The following RIT2 variants were observed in gnomAD, a reference collection of about 807,000 sequenced individuals.
RIT2 encodes the protein GTP-binding protein Rit2.
Under a neutral mutation model 23.7 loss-of-function variants are expected in RIT2, and 24 were observed. That is an observed-to-expected ratio of 1.01 (90% CI 0.73 to 1.43). The LOEUF (loss-of-function observed/expected upper bound fraction) is 1.43, where lower values mean the gene tolerates loss of function less well. Among genes scored for constraint, RIT2 ranks in the 40% most tolerant of loss-of-function variants. The probability of loss-of-function intolerance (pLI) is 0.00; values close to 1 mark genes in which losing one functional copy is unlikely to be tolerated. For missense variants in RIT2, 236 were observed against 266.9 expected, an observed-to-expected ratio of 0.88 and a Z score of 0.81; for synonymous variants, 107 against 91.1, an observed-to-expected ratio of 1.17 and a Z score of -0.99.
chr18:42,884,966 C>T (rs150330116), intron 4 of RIT2, among the ~76,000 whole-genome samples: 80 of 152,304 alleles, frequency 5.3e-4, no homozygotes, highest in African/African-American at 1.7e-3. Context: ...GTTTCTACTA[C>T]AGCTTCCCAC....
chr18:42,824,927 T>C (rs925305139), intron 4 of RIT2, among the ~76,000 whole-genome samples: 25 of 152,080 alleles, frequency 1.6e-4, no homozygotes, highest in African/African-American at 5.5e-4. Context: ...AGAGCCATAT[T>C]CATGAAGCTG....
chr18:42,924,066 CTTTAAA>C (rs1243777628), intron 3 of RIT2, among the ~76,000 whole-genome samples: 1 of 151,728 alleles, frequency 6.6e-6, no homozygotes, highest in Non-Finnish European at 1.5e-5. Context: ...GCTAGATATT[CTTTAAA>C]TTACATATTT....
intron 4 of RIT2, among the ~76,000 whole-genome samples, chr18:42,789,348 G>T (rs755144303): frequency 6.6e-6 from 1 of 152,178 alleles, no homozygotes; most frequent in Non-Finnish European, 1.5e-5. Flanking sequence ...TTATATCTAT[G>T]TTGGATCACC....
intron 2 of RIT2, among the ~76,000 whole-genome samples, chr18:42,988,405 A>C (rs1446307642): frequency 1.3e-5 from 2 of 152,198 alleles, no homozygotes; most frequent in African/African-American, 4.8e-5. Context: ...TGTATTTCAG[A>C]TAATGACAAT....
chr18:42,991,640 A>G (rs766979394), intron 2 of RIT2, among the ~76,000 whole-genome samples: 34 of 143,998 alleles, frequency 2.4e-4, no homozygotes, highest in Non-Finnish European at 7.8e-5. Flanking sequence ...AACTGATGAC[A>G]TTCCACCACG....
intron 4 of RIT2, among the ~76,000 whole-genome samples, chr18:42,776,674 A>C (rs1913679405): frequency 6.6e-6 from 1 of 151,982 alleles, no homozygotes; most frequent in Admixed American, 6.5e-5. Flanking sequence ...ACTGAGGCTC[A>C]GAGAGATTTA....
chr18:43,011,700 T>G (rs1291327814), intron 2 of RIT2, among the ~76,000 whole-genome samples: 1 of 151,818 alleles, frequency 6.6e-6, no homozygotes, highest in Non-Finnish European at 1.5e-5. Flanking sequence ...TTCACTTCCC[T>G]CTGTCATAAA....
At chr18:42,795,521 C>T (rs1647569828) in intron 4 of RIT2, among the ~76,000 whole-genome samples, 1 of 152,248 alleles carries the variant, frequency 6.6e-6, no homozygotes, top group Admixed American at 6.5e-5. Context: ...CCCACCCCCT[C>T]CATGGGCTCC....
intron 4 of RIT2, among the ~76,000 whole-genome samples, chr18:42,909,613 A>T (rs1460036707): frequency 2.0e-5 from 3 of 152,150 alleles, no homozygotes; most frequent in African/African-American, 7.2e-5. Context: ...ATCACCGCTA[A>T]AGAACATAAC....
At chr18:43,012,123 C>T (rs1911364724) in intron 2 of RIT2, among the ~76,000 whole-genome samples, 1 of 151,742 alleles carries the variant, frequency 6.6e-6, no homozygotes, top group Non-Finnish European at 1.5e-5. Context: ...GTTAATAATA[C>T]AATTCAAGTT....
At chr18:42,865,951 T>C (rs1039566771) in intron 4 of RIT2, among the ~76,000 whole-genome samples, 3 of 152,294 alleles carry the variant, frequency 2.0e-5, no homozygotes, top group Non-Finnish European at 4.4e-5. Context: ...TAGGCAACTT[T>C]TCTCCTGGGA....
intron 4 of RIT2, among the ~76,000 whole-genome samples, chr18:42,905,376 T>A (rs1280698124): frequency 6.6e-6 from 1 of 152,184 alleles, no homozygotes; most frequent in African/African-American, 2.4e-5. Context: ...GCTGTATATA[T>A]GTGATGTATT....
At chr18:42,831,299 T>C (rs1906451012) in intron 4 of RIT2, among the ~76,000 whole-genome samples, 1 of 152,198 alleles carries the variant, frequency 6.6e-6, no homozygotes, top group East Asian at 1.9e-4. Flanking sequence ...AAAGATAGTT[T>C]TATATCTAGA....
At chr18:42,835,322 TCA>T (rs954311753) in intron 4 of RIT2, among the ~76,000 whole-genome samples, 106 of 150,796 alleles carry the variant, frequency 7.0e-4, no homozygotes, top group African/African-American at 2.4e-3. Context: ...ACACACACAC[TCA>T]CACACACACA....
At chr18:42,820,423 T>C (rs1461747484) in intron 4 of RIT2, among the ~76,000 whole-genome samples, 1 of 152,130 alleles carries the variant, frequency 6.6e-6, no homozygotes, top group Admixed American at 6.6e-5. Context: ...CATTTAGTAT[T>C]CTTCTCTGGT....
chr18:42,789,052 G>C (rs1913982514), intron 4 of RIT2, among the ~76,000 whole-genome samples: 1 of 152,150 alleles, frequency 6.6e-6, no homozygotes, highest in Admixed American at 6.5e-5. Context: ...TTGTCAGTGT[G>C]AATCAAAGAC....
At chr18:42,928,462 A>G (rs1483519997) in intron 3 of RIT2, among the ~76,000 whole-genome samples, 1 of 152,076 alleles carries the variant, frequency 6.6e-6, no homozygotes, top group Non-Finnish European at 1.5e-5. Flanking sequence ...TCACTCTTAA[A>G]TAGCCTTTCA....
intron 4 of RIT2, among the ~76,000 whole-genome samples, chr18:42,906,197 TC>T (rs1908617251): frequency 6.6e-6 from 1 of 151,862 alleles, no homozygotes; most frequent in Non-Finnish European, 1.5e-5. Flanking sequence ...CATCTTGAAT[TC>T]CCAAGACATA....
intron 1 of RIT2, among the ~76,000 whole-genome samples, chr18:43,037,210 T>C (rs1005803000): frequency 8.5e-5 from 13 of 152,202 alleles, no homozygotes; most frequent in African/African-American, 2.7e-4. Context: ...ACGATCAACA[T>C]GTCCCAAGTA....
Sources: gnomAD v4.1 joint callset for allele counts (sites outside exome capture counted in the v4.1 genomes callset) on GRCh38, gnomAD v4.1.1 for gene constraint, MANE v1.5 for transcripts, NCBI Gene and HGNC (gene_info 2026-07-23, HGNC 2026-07-21) for gene names.